WDR11: variants seen among roughly 807,000 people sequenced by gnomAD.
WDR11 encodes WD repeat-containing protein 11.
A neutral mutation model predicts 151.2 loss-of-function variants in WDR11; 83 were observed. The ratio of observed to expected loss-of-function variants is 0.55; its 90% CI spans 0.46 to 0.66. WDR11 has a LOEUF of 0.66. WDR11 is among the 30% of genes least tolerant of loss of function. The pLI is 0.00. For missense variants in WDR11, 1,301 were observed against 1,480.9 expected, an observed-to-expected ratio of 0.88 and a Z score of 1.99; for synonymous variants, 484 against 533.1, an observed-to-expected ratio of 0.91 and a Z score of 1.27.
intron 4 of WDR11, among the ~76,000 whole-genome samples, chr10:120,860,749 G>T (rs938490508): frequency 1.3e-5 from 2 of 152,158 alleles, no homozygotes; most frequent in African/African-American, 4.8e-5. Flanking sequence ...GTTTTTTCTT[G>T]CAGAGATAGT....
At chr10:120,887,744 G>A (rs888894833) in intron 16 of WDR11, among the ~76,000 whole-genome samples, 5 of 152,160 alleles carry the variant, frequency 3.3e-5, no homozygotes, top group Admixed American at 6.5e-5. Context: ...GTGTCCTCAC[G>A]ACATGACAAC....
intron 2 of WDR11, among the ~76,000 whole-genome samples, 197 bp from the exon 3 acceptor site, chr10:120,858,446 T>C (rs1376977640): frequency 6.6e-6 from 1 of 152,188 alleles, no homozygotes; most frequent in Non-Finnish European, 1.5e-5. Context: ...AAGAAAACAA[T>C]TTTGTAACTG....
chr10:120,906,522 A>G lies in WDR11; in HGVS notation c.3438-254A>G, dbSNP rs916936926. On this transcript the variant is annotated intron_variant, in intron 27 of 28. Transcript: ENST00000263461. ...ACAGGGGTACATGGGCACTTGTCATATCTCTGTAGATTTTTGTGTATTTAA... is the reference window on the plus strand; with the variant it reads ...ACAGGGGTACATGGGCACTTGTCATGTCTCTGTAGATTTTTGTGTATTTAA... 1.2e-5 allele frequency: 16 copies of G among 1,355,112 alleles called. No homozygotes were observed. The African/African-American group carries it at 2.4e-4, about 20-fold the overall frequency. The allele number at this position is 1,355,112 out of a possible 1,614,324, so 83.9% of individuals were successfully genotyped here.
At chr10:120,871,605 ATC>A (rs1221075663) in intron 10 of WDR11, among the ~76,000 whole-genome samples, 4 of 152,156 alleles carry the variant, frequency 2.6e-5, no homozygotes, top group Non-Finnish European at 5.9e-5. Context: ...CTGTCCATTC[ATC>A]TCGGAAATAC....
intron 19 of WDR11, among the ~76,000 whole-genome samples, chr10:120,893,782 T>C (rs1264597825): frequency 6.6e-6 from 1 of 151,998 alleles, no homozygotes; most frequent in East Asian, 1.9e-4. Flanking sequence ...TGAGCATTTT[T>C]TCATGTGTTT....
chr10:120,872,822 T>C (rs1846592860), intron 10 of WDR11, among the ~76,000 whole-genome samples: 1 of 152,216 alleles, frequency 6.6e-6, no homozygotes, highest in East Asian at 1.9e-4. Flanking sequence ...AACTGTACAA[T>C]GTGTTTTTCT....
intron 4 of WDR11, among the ~76,000 whole-genome samples, chr10:120,862,001 A>G (rs1485287930): frequency 1.3e-5 from 2 of 152,240 alleles, no homozygotes; most frequent in Admixed American, 6.5e-5. Context: ...TGAGTAGCTC[A>G]GGATAAAAAT....
At chr10:120,864,111 A>G (rs1736189353) in intron 5 of WDR11, among the ~76,000 whole-genome samples, 1 of 152,128 alleles carries the variant, frequency 6.6e-6, no homozygotes, top group South Asian at 2.1e-4. Context: ...CACATCTATT[A>G]ATTCCTGGAC....
intron 19 of WDR11, among the ~76,000 whole-genome samples, chr10:120,899,342 G>A (rs567473753): frequency 2.0e-5 from 3 of 151,892 alleles, no homozygotes; most frequent in East Asian, 1.9e-4. Flanking sequence ...GAATAGTCTC[G>A]GAAAAACAAA....
chr10:120,902,196 C>T, intron 21 of WDR11, 61 bp from the exon 22 acceptor site: 1 of 1,350,734 alleles, frequency 7.4e-7, no homozygotes, highest in East Asian at 2.3e-5. Context: ...TTGATCAACC[C>T]CCATGCTTTA....
At chr10:120,883,699 T>G (rs1438973017) in intron 13 of WDR11, 81 bp from the exon 14 acceptor site, 3 of 1,201,828 alleles carry the variant, frequency 2.5e-6, no homozygotes, top group Non-Finnish European at 3.7e-6. Context: ...AGTTTTTCAA[T>G]TTACTGAACT....
chr10:120,875,174 A>G (rs1846721615), intron 11 of WDR11, among the ~76,000 whole-genome samples: 1 of 152,212 alleles, frequency 6.6e-6, no homozygotes, highest in African/African-American at 2.4e-5. Flanking sequence ...CGTATTTTTC[A>G]TTTCTATAAC....
At chr10:120,875,400 C>A (rs532997798) in intron 11 of WDR11, among the ~76,000 whole-genome samples, 1 of 152,314 alleles carries the variant, frequency 6.6e-6, no homozygotes, top group Admixed American at 6.5e-5. Flanking sequence ...TCCAAAATGC[C>A]TACCTGTGCT....
chr10:120,898,664 T>C (rs1452079019), intron 19 of WDR11, among the ~76,000 whole-genome samples: 2 of 152,126 alleles, frequency 1.3e-5, no homozygotes, highest in African/African-American at 4.8e-5. Flanking sequence ...GTAAGTGAGT[T>C]CTTAGGAGAT....
intron 15 of WDR11, 32 bp from the exon 16 acceptor site, chr10:120,886,657 A>T (rs201143283): frequency 1.9e-6 from 3 of 1,610,038 alleles, no homozygotes; most frequent in Admixed American, 1.7e-5. Flanking sequence ...GGAAAAAAAA[A>T]CATCTTTATC....
rs1848202492 is a variant in WDR11 at position 120,909,352 on chromosome 10, T to TCA, written c.*639_*640insCA. On this transcript the variant is annotated 3_prime_UTR_variant, in exon 29 of 29. Transcript: ENST00000263461. ...GTGAGGTCTTTGATATTTTGAATTT[T>TCA]AACTCCTTTTATGATACATCACAGT... 1 of 153,492 alleles carries TCA rather than the reference T, an allele frequency of 6.5e-6. No homozygotes were observed. Among genetic ancestry groups the TCA allele is most frequent in the Non-Finnish European group, 1.5e-5 (1 of 68,664 alleles). 9.5% of individuals were successfully genotyped at this position (153,492 alleles called of 1,614,324 possible). A position where few individuals can be genotyped will look rare whatever the true frequency, so the allele number is the denominator to read the frequency against.
rs867774919 is a variant in WDR11 at position 120,873,018 on chromosome 10, A to G, written c.1472-821A>G. ...TTCTTGCTTAACTTATAAAAACACT[A>G]TAGAGACTGAAGCTTTACTTTCTCA... On this transcript the variant is annotated intron_variant, in intron 10 of 28. Coordinates refer to ENST00000263461, the MANE Select transcript of WDR11 (RefSeq NM_018117.12). Among the ~76,000 whole-genome samples, 4 of 152,292 alleles carry G rather than the reference A, an allele frequency of 2.6e-5. No homozygotes were observed. The East Asian group carries it at 5.8e-4, about 22-fold the overall frequency.
At chr10:120,863,767 A>C (rs1409366291) in intron 5 of WDR11, among the ~76,000 whole-genome samples, 1 of 152,118 alleles carries the variant, frequency 6.6e-6, no homozygotes, top group African/African-American at 2.4e-5. Flanking sequence ...TACTTGAAAA[A>C]TATGTGGTAA....
intron 4 of WDR11, among the ~76,000 whole-genome samples, chr10:120,861,193 CTCAAAA>C (rs1341956097): frequency 6.6e-6 from 1 of 152,080 alleles, no homozygotes; most frequent in Admixed American, 6.6e-5. Flanking sequence ...ATTTGAATGA[CTCAAAA>C]TTGTTTTACC....
Sources: allele counts gnomAD v4.1 joint callset (sites outside exome capture counted in the v4.1 genomes callset), GRCh38; gene constraint gnomAD v4.1.1; transcripts MANE v1.5; gene names NCBI Gene and HGNC (gene_info 2026-07-23, HGNC 2026-07-21).